The following IPO8 variants were observed in gnomAD, a reference collection of about 807,000 sequenced individuals.
IPO8 encodes the protein importin-8.
A neutral mutation model predicts 141.2 loss-of-function variants in IPO8; 65 were observed. The ratio of observed to expected loss-of-function variants is 0.46; its 90% CI spans 0.38 to 0.57. IPO8 has a LOEUF of 0.57. IPO8 is among the 20% of genes least tolerant of loss of function. The pLI is 0.00. For synonymous variants in IPO8, 411 were observed against 420.3 expected (o/e 0.98, Z 0.27); for missense variants, 980 against 1,246.8 (o/e 0.79, Z 3.22).
At chr12:30,659,176 G>A (rs2052846295) in intron 16 of IPO8, among the ~76,000 whole-genome samples, 3 of 151,946 alleles carry the variant, frequency 2.0e-5, no homozygotes, top group Non-Finnish European at 4.4e-5. Context: ...CACCGCGCCG[G>A]GCCTTATCAA....
intron 20 of IPO8, among the ~76,000 whole-genome samples, chr12:30,643,195 C>G (rs2052597264): frequency 6.6e-6 from 1 of 152,104 alleles, no homozygotes; most frequent in South Asian, 2.1e-4. Flanking sequence ...TCATGAGAGA[C>G]CACCAGACAT....
At chr12:30,645,823 A>G (rs1450951391) in intron 20 of IPO8, among the ~76,000 whole-genome samples, 9 of 152,352 alleles carry the variant, frequency 5.9e-5, no homozygotes, top group African/African-American at 2.4e-5. Flanking sequence ...GAATAAATCT[A>G]TAACAAATAA....
chr12:30,671,424 AGCACT>A (rs2136159667), intron 8 of IPO8, among the ~76,000 whole-genome samples: 1 of 152,310 alleles, frequency 6.6e-6, no homozygotes, highest in Admixed American at 6.5e-5. Context: ...CTGTAATCCC[AGCACT>A]TTGGGAGGCC....
At chr12:30,655,789 TAACAGAGTG>T (rs1476677222) in intron 17 of IPO8, among the ~76,000 whole-genome samples, 1 of 152,226 alleles carries the variant, frequency 6.6e-6, no homozygotes, top group Non-Finnish European at 1.5e-5. Flanking sequence ...AACTTTTTAC[TAACAGAGTG>T]AACAATAAAA....
chr12:30,676,810 A>T, intron 5 of IPO8: 1 of 996,574 alleles, frequency 1.0e-6, no homozygotes, highest in Non-Finnish European at 1.5e-6. Context: ...TCTTGGGTCT[A>T]CTTTTTAAAA....
rs1176618967 is a variant in IPO8, at chr12:30,662,414, A to G, written c.1668T>C (p.Asn556=). ...ELLHIVRETE[N]DDVTNVIQKM... ...TCTGGATGACATTAGTAACATCATC[A>G]TTTTCTGTCTCTCTAACAATGTGCA... is the stretch of plus-strand genomic sequence containing the variant. The change falls in exon 15 of 25, where the codon AAT becomes AAC. Residue 556 remains asparagine, a synonymous_variant. Coordinates refer to ENST00000256079, the MANE Select transcript of IPO8 (RefSeq NM_006390.4). The G allele has an allele frequency of 6.2e-7, 1 of 1,613,378 alleles. No homozygotes were observed. The highest frequency in any genetic ancestry group is 2.2e-5 in the East Asian group (1 of 44,844).
chr12:30,648,759 A>G (rs1419322063), intron 20 of IPO8, among the ~76,000 whole-genome samples: 1 of 152,124 alleles, frequency 6.6e-6, no homozygotes, highest in African/African-American at 2.4e-5. Context: ...AAAATGGTCA[A>G]GAAATATTTT....
chr12:30,676,853 T>G, intron 5 of IPO8: 2 of 1,262,564 alleles, frequency 1.6e-6, no homozygotes, highest in South Asian at 2.5e-5. Context: ...GAGGTCTCAT[T>G]TATTCAGCAT....
intron 20 of IPO8, among the ~76,000 whole-genome samples, chr12:30,644,589 C>T (rs7311215): frequency 0.56 from 84,608 of 151,118 alleles, 24,575 homozygotes; most frequent in African/African-American, 0.71. Flanking sequence ...ACAGGCAAAG[C>T]AAGCTCCCTC....
At chr12:30,652,397 G>A in intron 18 of IPO8, 108 bp from the exon 19 acceptor site, 1 of 681,368 alleles carries the variant, frequency 1.5e-6, no homozygotes, top group Non-Finnish European at 2.6e-6. Flanking sequence ...ATCTTCCCAT[G>A]CAACCACAAA....
At chr12:30,693,512 G>A (rs1263076075) in intron 1 of IPO8, among the ~76,000 whole-genome samples, 1 of 152,204 alleles carries the variant, frequency 6.6e-6, no homozygotes, top group African/African-American at 2.4e-5. Context: ...CATACTTGCT[G>A]AGGGGAGACC....
In IPO8 at chr12:30,695,377, G is replaced by A. The variant is rs530589522; in HGVS notation, c.84+187C>T. Among the ~76,000 whole-genome samples the A allele has an allele frequency of 2.0e-5, 3 of 152,308 alleles. No individual in the cohort carries two copies. Among genetic ancestry groups the A allele is most frequent in the African/African-American group, 4.8e-5 (2 of 41,576 alleles). ...TGGCCAACAGGTGCGCGAGCTGTTCGGCAAAGATCCTGGGAGCCCTGCTCC... is the reference window on the plus strand; with the variant it reads ...TGGCCAACAGGTGCGCGAGCTGTTCAGCAAAGATCCTGGGAGCCCTGCTCC... On this transcript the variant is annotated intron_variant, in intron 1 of 24. Coordinates refer to ENST00000256079, the MANE Select transcript of IPO8 (RefSeq NM_006390.4). The surrounding 1 kb of genome is among the most constrained non-coding windows in gnomAD (Gnocchi z 4.2).
intron 19 of IPO8, among the ~76,000 whole-genome samples, chr12:30,651,487 GT>G (rs1565497457): frequency 6.6e-6 from 1 of 151,902 alleles, no homozygotes; most frequent in East Asian, 1.9e-4. Flanking sequence ...ACGGCCAAAC[GT>G]TTTGGTTTCT....
intron 6 of IPO8, 86 bp from the exon 7 acceptor site, chr12:30,674,839 G>A: frequency 1.2e-6 from 1 of 863,926 alleles, no homozygotes; most frequent in Non-Finnish European, 2.0e-6. Flanking sequence ...TCTTGATATA[G>A]GTTAAGTCAT....
At chr12:30,641,714 AAAAC>A (rs1008175422) in intron 20 of IPO8, among the ~76,000 whole-genome samples, 16 of 152,176 alleles carry the variant, frequency 1.1e-4, no homozygotes, top group African/African-American at 3.9e-4. Context: ...GCTACTAAAA[AAAAC>A]AAACAGTAGT....
intron 22 of IPO8, 147 bp from the exon 23 acceptor site, chr12:30,634,433 G>T: frequency 1.7e-6 from 1 of 573,532 alleles, no homozygotes; most frequent in Non-Finnish European, 3.0e-6. Context: ...TCTTATCCCT[G>T]GTCTAAAGAG....
Position 30,695,472 on chromosome 12 carries a change from G to A in IPO8, c.84+92C>T, listed in dbSNP as rs1035370716. ...AGGCGTCAGCCCCAGCCCGGTGGGG[G>A]TGAGGACGAGGGGCGCCGGGGAGAG... On this transcript the variant is annotated intron_variant, in intron 1 of 24. Transcript: ENST00000256079. This position sits in a 1 kb window ranked among gnomAD's most constrained non-coding sequence, Gnocchi z 4.2. 2 of 1,130,176 alleles carry A rather than the reference G, an allele frequency of 1.8e-6. No individual in the cohort carries two copies. The highest frequency in any genetic ancestry group is 1.3e-5 in the South Asian group (1 of 75,012). 70.0% of individuals were successfully genotyped at this position (1,130,176 alleles called of 1,614,324 possible).
intron 13 of IPO8, among the ~76,000 whole-genome samples, chr12:30,664,817 G>A (rs1009905988): frequency 2.6e-5 from 4 of 151,982 alleles, no homozygotes; most frequent in East Asian, 1.9e-4. Flanking sequence ...TCAGCTCACC[G>A]CAACCTCCGC....
chr12:30,657,956 GGAGTT>G (rs1193175917), intron 16 of IPO8, among the ~76,000 whole-genome samples: 3 of 152,104 alleles, frequency 2.0e-5, no homozygotes, highest in Admixed American at 6.5e-5. Context: ...AGATAGCTGG[GGAGTT>G]GAGTGAGAAG....
Sources: allele counts gnomAD v4.1 joint callset (sites outside exome capture counted in the v4.1 genomes callset), GRCh38; gene constraint gnomAD v4.1.1; non-coding constraint Gnocchi (gnomAD v3.1); transcripts MANE v1.5; gene names NCBI Gene and HGNC (gene_info 2026-07-23, HGNC 2026-07-21).